The following RIMS2 variants were observed in gnomAD, a reference collection of about 807,000 sequenced individuals.
The protein encoded by RIMS2 is regulating synaptic membrane exocytosis protein 2.
A neutral mutation model predicts 174.4 loss-of-function variants in RIMS2; 59 were observed. The ratio of observed to expected loss-of-function variants is 0.34; its 90% CI spans 0.27 to 0.42. RIMS2 has a LOEUF of 0.42. Ranked by LOEUF, RIMS2 falls within the 10% of genes least tolerant of loss-of-function variation. The probability of loss-of-function intolerance (pLI) is 1.00; values close to 1 mark genes in which losing one functional copy is unlikely to be tolerated. For missense variants in RIMS2, 1,620 were observed against 1,666.3 expected (o/e 0.97, Z 0.48); for synonymous variants, 606 against 572.5 (o/e 1.06, Z -0.84).
chr8:103,794,737 G>T (rs1564664472), intron 3 of RIMS2, among the ~76,000 whole-genome samples: 1 of 151,962 alleles, frequency 6.6e-6, no homozygotes, highest in Admixed American at 6.6e-5. Context: ...AAATTTACAA[G>T]AAAAAAATCA....
At position 103,825,609 on chromosome 8, in the gene RIMS2, A is replaced by G. The variant is rs147383951; in HGVS notation, c.698+59072A>G. ...TACTCAACATAGTTTTAAAACATTCATCCATATTGTGGCATGTGTGAGTAG... is the reference window on the plus strand; with the variant it reads ...TACTCAACATAGTTTTAAAACATTCGTCCATATTGTGGCATGTGTGAGTAG... On this transcript the variant is annotated intron_variant, in intron 3 of 23. Transcript: ENST00000504942. 9.9e-5 allele frequency among the ~76,000 whole-genome samples: 15 copies of G among 152,148 alleles called. No individual in the cohort carries two copies. In the East Asian group the frequency reaches 2.9e-3, roughly 29 times the overall value.
chr8:103,799,629 A>T lies in RIMS2; in HGVS notation c.698+33092A>T, dbSNP rs192605271. On this transcript the variant is annotated intron_variant, in intron 3 of 23. Transcript: ENST00000504942. ...TTACTAATATTTGATATTACTAAGC[A>T]TTTCATGTGTTTGCAGTCTGGTGGA... Among the ~76,000 whole-genome samples the T allele has an allele frequency of 2.6e-5, 4 of 152,148 alleles. No individual in the cohort carries two copies. The East Asian group carries it at 7.7e-4, about 29-fold the overall frequency.
chr8:103,952,869 A>G (rs1769324738), intron 14 of RIMS2, among the ~76,000 whole-genome samples: 1 of 152,182 alleles, frequency 6.6e-6, no homozygotes, highest in South Asian at 2.1e-4. Context: ...ACCTTGAAAA[A>G]AGGTTAGACG....
intron 3 of RIMS2, among the ~76,000 whole-genome samples, chr8:103,836,720 G>T (rs1384218369): frequency 6.6e-6 from 1 of 152,174 alleles, no homozygotes; most frequent in Non-Finnish European, 1.5e-5. Context: ...CTTTTCTAGA[G>T]AAGTTGAACA....
intron 1 of RIMS2, among the ~76,000 whole-genome samples, chr8:103,625,473 A>G (rs914794295): frequency 8.5e-5 from 13 of 152,194 alleles, no homozygotes; most frequent in Non-Finnish European, 1.6e-4. Context: ...AAAATCAAGG[A>G]TAGGATTCTT....
chr8:103,925,932 T>C (rs1371772525), intron 10 of RIMS2, among the ~76,000 whole-genome samples: 1 of 151,554 alleles, frequency 6.6e-6, no homozygotes, highest in East Asian at 1.9e-4. Flanking sequence ...TGAAAAAATA[T>C]TGTCAACGCA....
At chr8:103,779,183 G>A (rs201370201) in intron 3 of RIMS2, among the ~76,000 whole-genome samples, 1 of 152,030 alleles carries the variant, frequency 6.6e-6, no homozygotes, top group Non-Finnish European at 1.5e-5. Context: ...AATATTTTCT[G>A]CCATTATATG....
chr8:103,582,580 C>T (rs2093679407), intron 1 of RIMS2, among the ~76,000 whole-genome samples: 1 of 152,122 alleles, frequency 6.6e-6, no homozygotes, highest in Non-Finnish European at 1.5e-5. Context: ...GAGTCCCAGG[C>T]CAGGCAGCAT....
intron 2 of RIMS2, among the ~76,000 whole-genome samples, chr8:103,728,745 C>CTTTTTTTTTTTTTTTT (rs1311572866): frequency 3.5e-4 from 24 of 68,144 alleles, no homozygotes; most frequent in African/African-American, 1.8e-3. Context: ...AGGTATGCTC[C>CTTTTTTTTTTTTTTTT]TTCTTTTTTT....
intron 2 of RIMS2, among the ~76,000 whole-genome samples, chr8:103,713,346 C>A (rs6982815): frequency 6.6e-6 from 1 of 151,908 alleles, no homozygotes; most frequent in Non-Finnish European, 1.5e-5. Context: ...AAGTCCTTTG[C>A]GGTAAATACA....
At chr8:103,615,992 G>A (rs1321561089) in intron 1 of RIMS2, among the ~76,000 whole-genome samples, 1 of 152,060 alleles carries the variant, frequency 6.6e-6, no homozygotes, top group African/African-American at 2.4e-5. Context: ...AAAAATCGAG[G>A]AGAAGGGACA....
At chr8:103,772,759 A>G (rs1299425140) in intron 3 of RIMS2, among the ~76,000 whole-genome samples, 1 of 152,160 alleles carries the variant, frequency 6.6e-6, no homozygotes, top group African/African-American at 2.4e-5. Flanking sequence ...AGACAAATAG[A>G]TCAGTGAAAC....
At chr8:103,819,361 T>C in intron 3 of RIMS2, 2 of 1,529,148 alleles carry the variant, frequency 1.3e-6, no homozygotes, top group Non-Finnish European at 1.7e-6. Flanking sequence ...ACTATCAACC[T>C]CTGTTCATTT....
At chr8:103,529,497 G>A (rs990822557) in intron 1 of RIMS2, among the ~76,000 whole-genome samples, 3 of 152,238 alleles carry the variant, frequency 2.0e-5, no homozygotes, top group African/African-American at 7.2e-5. Flanking sequence ...TAGTGTGGGA[G>A]TGACCTGATT....
chr8:104,174,743 A>G (rs1323176389), intron 19 of RIMS2, among the ~76,000 whole-genome samples: 2 of 152,202 alleles, frequency 1.3e-5, no homozygotes, highest in Admixed American at 1.3e-4. Context: ...GAAACAATAA[A>G]TGATTTTGAG....
Position 103,518,799 on chromosome 8 carries a change from G to T in RIMS2, c.176+17737G>T, listed in dbSNP as rs561501382. Among the ~76,000 whole-genome samples the T allele has an allele frequency of 5.9e-5, 9 of 152,224 alleles. No homozygotes were observed. The East Asian group carries it at 1.7e-3, about 29-fold the overall frequency. Reference sequence around the variant, plus strand: ...CTCACTAGCATGAGAATTCTTACCAGTGCTCACTAGCATGAGAATTCCTAC... The same window carrying T: ...CTCACTAGCATGAGAATTCTTACCATTGCTCACTAGCATGAGAATTCCTAC... On this transcript the variant is annotated intron_variant, in intron 1 of 23. Coordinates refer to ENST00000504942, the Ensembl canonical transcript of RIMS2.
chr8:104,053,989 T>C lies in RIMS2; in HGVS notation c.3334+39374T>C, dbSNP rs578132298. Among the ~76,000 whole-genome samples the C allele has an allele frequency of 4.6e-5, 7 of 152,254 alleles. No individual in the cohort carries two copies. In the South Asian group the frequency reaches 1.5e-3, roughly 32 times the overall value. ...ATCCATGGAGAACAACTCACTCTAG[T>C]TTGCAGCTGTATTTAACATCCTCAA... On this transcript the variant is annotated intron_variant, in intron 19 of 23. Transcript: ENST00000504942.
chr8:103,996,966 G>C (rs762670601), intron 17 of RIMS2, among the ~76,000 whole-genome samples: 1 of 151,754 alleles, frequency 6.6e-6, no homozygotes, highest in Non-Finnish European at 1.5e-5. Flanking sequence ...AAAAAATAGA[G>C]GTTTGAAAAT....
At chr8:103,534,487 A>C (rs955364124) in intron 1 of RIMS2, among the ~76,000 whole-genome samples, 1 of 152,242 alleles carries the variant, frequency 6.6e-6, no homozygotes, top group African/African-American at 2.4e-5. Flanking sequence ...GAGAAGTCTC[A>C]AACTCAATTC....
Sources: allele counts gnomAD v4.1 joint callset (sites outside exome capture counted in the v4.1 genomes callset), GRCh38; gene constraint gnomAD v4.1.1; transcripts MANE v1.5; gene names NCBI Gene and HGNC (gene_info 2026-07-23, HGNC 2026-07-21).